The following PREX1 variants were observed in gnomAD, a reference collection of about 807,000 sequenced individuals.
The protein encoded by PREX1 is phosphatidylinositol-3,4,5-trisphosphate dependent Rac exchange factor 1.
PREX1 carries 41 observed loss-of-function variants against 198.3 expected under a neutral mutation model. That is an observed-to-expected ratio of 0.21 (90% CI 0.16 to 0.27). PREX1 has a LOEUF of 0.27. Among genes scored for constraint, PREX1 ranks in the 10% least tolerant of loss-of-function variants. The pLI, the probability that PREX1 is intolerant of heterozygous loss-of-function variation, is 1.00. For missense variants in PREX1, 1,620 were observed against 2,200.7 expected, an observed-to-expected ratio of 0.74 and a Z score of 5.28; for synonymous variants, 843 against 887.2, an observed-to-expected ratio of 0.95 and a Z score of 0.89.
intron 1 of PREX1, among the ~76,000 whole-genome samples, chr20:48,791,066 A>C (rs958854829): frequency 2.6e-5 from 4 of 152,146 alleles, no homozygotes; most frequent in African/African-American, 9.7e-5. Flanking sequence ...TGCATGAATA[A>C]TGCATACACT....
At chr20:48,707,469 C>T (rs533350990) in intron 6 of PREX1, among the ~76,000 whole-genome samples, 28 of 152,190 alleles carry the variant, frequency 1.8e-4, no homozygotes, top group African/African-American at 5.5e-4. Flanking sequence ...TTCCCCAGCA[C>T]GGAGAAAAGA....
chr20:48,846,278 G>A, the PREX1 span, among the ~76,000 whole-genome samples: 1 of 152,214 alleles, frequency 6.6e-6, no homozygotes, highest in South Asian at 2.1e-4. Context: ...TGGCCCAGGG[G>A]AGAAGTGCAA....
At chr20:48,739,019 C>T (rs192243675) in intron 3 of PREX1, among the ~76,000 whole-genome samples, 3 of 152,282 alleles carry the variant, frequency 2.0e-5, no homozygotes, top group Admixed American at 6.5e-5. Flanking sequence ...ACACTACTCC[C>T]GTGCTTAAAA....
intron 30 of PREX1, among the ~76,000 whole-genome samples, chr20:48,638,975 C>G (rs148470631): frequency 6.6e-6 from 1 of 152,232 alleles, no homozygotes; most frequent in Non-Finnish European, 1.5e-5. Context: ...GCAGAGACTC[C>G]GACTCAGAGG....
intron 1 of PREX1, among the ~76,000 whole-genome samples, chr20:48,802,116 A>G (rs2090390032): frequency 6.6e-6 from 1 of 152,086 alleles, no homozygotes; most frequent in South Asian, 2.1e-4. Flanking sequence ...AAAACAAACT[A>G]AGACACCCTG....
chr20:48,834,651 C>A, the PREX1 span, among the ~76,000 whole-genome samples: 2 of 152,142 alleles, frequency 1.3e-5, no homozygotes, highest in African/African-American at 4.8e-5. Flanking sequence ...CCTCAACCTT[C>A]CAGGCTCAAA....
the PREX1 span, among the ~76,000 whole-genome samples, chr20:48,876,343 G>A: frequency 6.6e-6 from 1 of 152,220 alleles, no homozygotes; most frequent in South Asian, 2.1e-4. Flanking sequence ...TGTGGGATCC[G>A]CCCTTTGGAG....
chr20:48,671,496 T>C (rs2089674992), intron 14 of PREX1, among the ~76,000 whole-genome samples: 1 of 152,244 alleles, frequency 6.6e-6, no homozygotes, highest in Non-Finnish European at 1.5e-5. Flanking sequence ...TCAGGTTTCC[T>C]GTTATGTGCA....
intron 18 of PREX1, among the ~76,000 whole-genome samples, chr20:48,655,852 C>T (rs2089538759): frequency 6.6e-6 from 1 of 152,196 alleles, no homozygotes; most frequent in Admixed American, 6.5e-5. Context: ...AGCAGAGAGG[C>T]AGCACCTGCC....
At chr20:48,872,158 C>CAAAA in the PREX1 span, among the ~76,000 whole-genome samples, 1 of 97,002 alleles carries the variant, frequency 1.0e-5, no homozygotes, top group Non-Finnish European at 2.1e-5. Context: ...GACTCTGTCT[C>CAAAA]AAAAAAAAAA....
At chr20:48,837,499 A>G in the PREX1 span, among the ~76,000 whole-genome samples, 2 of 152,250 alleles carry the variant, frequency 1.3e-5, no homozygotes, top group Non-Finnish European at 2.9e-5. Context: ...ATAAAAAATA[A>G]CAAGATCATG....
At chr20:48,860,963 T>G in the PREX1 span, among the ~76,000 whole-genome samples, 84 of 152,078 alleles carry the variant, frequency 5.5e-4, no homozygotes, top group Admixed American at 4.1e-3. Context: ...AAACCATGTC[T>G]CTACAAAAGA....
chr20:48,829,941 G>A (rs115884265), upstream of PREX1, among the ~76,000 whole-genome samples: 1 of 152,212 alleles, frequency 6.6e-6, no homozygotes, highest in African/African-American at 2.4e-5. Context: ...CTCAACCTTG[G>A]GACTATTGAC....
the PREX1 span, among the ~76,000 whole-genome samples, chr20:48,885,268 A>C: frequency 6.6e-6 from 1 of 152,234 alleles, no homozygotes; most frequent in Non-Finnish European, 1.5e-5. Context: ...AGCACCTAAA[A>C]GAGTGTGTGT....
chr20:48,773,515 G>A lies in PREX1; in HGVS notation c.220-25635C>T, dbSNP rs112832197. On this transcript the variant is annotated intron_variant, in intron 1 of 39. Coordinates refer to ENST00000371941, the MANE Select transcript of PREX1 (RefSeq NM_020820.4). ...GGGACCTCATTCATTCATTCAGCAG[G>A]TACTTACTGAGAAGCAGATGAGCTG... 4.2e-3 allele frequency among the ~76,000 whole-genome samples: 641 copies of A among 152,236 alleles called. 8 individuals are homozygous for A. Among genetic ancestry groups the A allele is most frequent in the African/African-American group, 0.014 (569 of 41,530 alleles).
At chr20:48,852,546 G>T in the PREX1 span, among the ~76,000 whole-genome samples, 1 of 152,080 alleles carries the variant, frequency 6.6e-6, no homozygotes, top group Non-Finnish European at 1.5e-5. Context: ...TACACACCCC[G>T]GTCATCTTTT....
Position 48,666,473 on chromosome 20 carries a change from T to C in PREX1, c.1666-118A>G. On this transcript the variant is annotated intron_variant, in intron 14 of 39. Transcript: ENST00000371941. The surrounding 1 kb of genome is among the most constrained non-coding windows in gnomAD (Gnocchi z 4.3). ...GGCTCCACGAGGGCCAGGGGTTGTC[T>C]GTTTTGTTTACTGCAGTAACCCCAA... 2 of 771,666 alleles carry C rather than the reference T, an allele frequency of 2.6e-6. No homozygotes were observed. The highest frequency in any genetic ancestry group is 4.3e-6 in the Non-Finnish European group (2 of 467,202). The allele number at this position is 771,666 out of a possible 1,614,324, so 47.8% of individuals were successfully genotyped here.
chr20:48,835,833 T>G, the PREX1 span, among the ~76,000 whole-genome samples: 1 of 152,128 alleles, frequency 6.6e-6, no homozygotes, highest in African/African-American at 2.4e-5. Context: ...GGAAGTAAAC[T>G]AAGAGCAGGG....
intron 33 of PREX1, among the ~76,000 whole-genome samples, chr20:48,632,901 T>G (rs973088998): frequency 6.6e-6 from 1 of 152,176 alleles, no homozygotes; most frequent in Non-Finnish European, 1.5e-5. Flanking sequence ...CTTCATCAGC[T>G]CCTAGTTCCG....
Sources: allele counts gnomAD v4.1 joint callset (sites outside exome capture counted in the v4.1 genomes callset), GRCh38; gene constraint gnomAD v4.1.1; non-coding constraint Gnocchi (gnomAD v3.1); transcripts MANE v1.5; gene names NCBI Gene and HGNC (gene_info 2026-07-23, HGNC 2026-07-21).